The following BPIFB3 variants were observed in gnomAD, a reference collection of about 807,000 sequenced individuals.
The protein encoded by BPIFB3 is BPI fold-containing family B member 3.
BPIFB3 carries 49 observed loss-of-function variants against 53.1 expected under a neutral mutation model. The observed-to-expected ratio is 0.92, with a 90% CI of 0.73 to 1.17. BPIFB3 has a LOEUF of 1.17. Among genes scored for constraint, BPIFB3 ranks in the 50% most tolerant of loss-of-function variants. The pLI, the probability that BPIFB3 is intolerant of heterozygous loss-of-function variation, is 0.00. For missense variants in BPIFB3, 628 were observed against 592.5 expected, an observed-to-expected ratio of 1.06 and a Z score of -0.62; for synonymous variants, 271 against 269.6, an observed-to-expected ratio of 1.01 and a Z score of -0.05.
At chr20:33,071,817 G>C (rs1038384822) in intron 12 of BPIFB3, among the ~76,000 whole-genome samples, 11 of 152,108 alleles carry the variant, frequency 7.2e-5, no homozygotes, top group Non-Finnish European at 1.5e-5. Context: ...TCTTTCTTAG[G>C]CACTGCCCAC....
At chr20:33,055,969 A>G (rs1980185126) in intron 1 of BPIFB3, among the ~76,000 whole-genome samples, 1 of 152,174 alleles carries the variant, frequency 6.6e-6, no homozygotes, top group Non-Finnish European at 1.5e-5. Flanking sequence ...GGTCATGAGC[A>G]GGAAATGCTT....
At chr20:33,068,619 G>C (rs1422527761) in intron 9 of BPIFB3, among the ~76,000 whole-genome samples, 184 bp from the exon 11 acceptor site, 1 of 152,186 alleles carries the variant, frequency 6.6e-6, no homozygotes, top group Non-Finnish European at 1.5e-5. Context: ...CAGTCCTGCA[G>C]GTCGGTGTCT....
At chr20:33,059,581 G>A in intron 3 of BPIFB3, 99 bp downstream of exon 4, 1 of 852,458 alleles carries the variant, frequency 1.2e-6, no homozygotes. Context: ...CCACCCCTCT[G>A]TATCCCCCAT....
At chr20:33,064,918 C>T (rs1387612796) in intron 8 of BPIFB3, 73 bp downstream of exon 9, 2 of 1,507,240 alleles carry the variant, frequency 1.3e-6, no homozygotes, top group African/African-American at 2.7e-5. Flanking sequence ...TAGTGTTGAC[C>T]TAGGCCCTGA....
intron 8 of BPIFB3, among the ~76,000 whole-genome samples, chr20:33,066,145 C>T (rs534966122): frequency 5.3e-5 from 8 of 152,110 alleles, no homozygotes; most frequent in South Asian, 4.2e-4. Flanking sequence ...GTTCGGTGGG[C>T]GGGGGGTGTC....
intron 10 of BPIFB3, 103 bp downstream of exon 11, chr20:33,069,076 A>G: frequency 7.6e-6 from 10 of 1,307,268 alleles, no homozygotes; most frequent in Admixed American, 2.3e-5. Flanking sequence ...TCAGGGTGGG[A>G]GCCCCACATA....
At position 33,064,660 on chromosome 20, in the gene BPIFB3, C is replaced by T. The variant is rs1006344648; in HGVS notation, c.745-6C>T. ...CCCTCCTCGGCCCTGTTTCCTGCCC[C>T]TGCAGCCTATCGTGAAGAGTGTAGC... On this transcript the variant is annotated splice_region_variant and splice_polypyrimidine_tract_variant and intron_variant, in intron 7 of 14. Transcript: ENST00000375494. 6.2e-7 allele frequency: 1 copy of T among 1,613,566 alleles called. No individual in the cohort carries two copies. The highest frequency in any genetic ancestry group is 8.5e-7 in the Non-Finnish European group (1 of 1,179,716).
chr20:33,060,150 C>G, intron 4 of BPIFB3, 119 bp downstream of exon 5: 1 of 1,338,666 alleles, frequency 7.5e-7, no homozygotes, highest in Admixed American at 2.3e-5. Flanking sequence ...TCGTCCTACC[C>G]CTGCTTGTCC....
chr20:33,054,443 T>A (rs1225598146), upstream of BPIFB3, among the ~76,000 whole-genome samples: 4 of 152,134 alleles, frequency 2.6e-5, no homozygotes, highest in Non-Finnish European at 2.9e-5. Context: ...TGATGTTTAG[T>A]GACAGACGGA....
Position 33,063,596 on chromosome 20 carries a change from A to C in BPIFB3, c.592-19A>C. 1 of 1,613,298 alleles carries C rather than the reference A, an allele frequency of 6.2e-7. No homozygotes were observed. Among genetic ancestry groups the C allele is most frequent in the Non-Finnish European group, 8.5e-7 (1 of 1,179,454 alleles). ...AGTGAGCTCTTCTTTGCCCTGTAAC[A>C]TGTGTCTCCCTGACACAGCTGTGCC... On this transcript the variant is annotated intron_variant, in intron 5 of 14. Transcript: ENST00000375494.
intron 9 of BPIFB3, 151 bp downstream of exon 10, chr20:33,067,028 C>G: frequency 2.5e-6 from 2 of 786,152 alleles, no homozygotes; most frequent in Non-Finnish European, 4.1e-6. Context: ...ACTAACACGA[C>G]ATCCTTTCCT....
At chr20:33,060,515 G>T (rs1274995836) in intron 4 of BPIFB3, among the ~76,000 whole-genome samples, 1 of 152,034 alleles carries the variant, frequency 6.6e-6, no homozygotes, top group Non-Finnish European at 1.5e-5. Flanking sequence ...CTCTTCCCAG[G>T]ATCTGTCCAG....
chr20:33,054,874 G>A (rs1466856240), upstream of BPIFB3, among the ~76,000 whole-genome samples: 1 of 152,236 alleles, frequency 6.6e-6, no homozygotes, highest in Non-Finnish European at 1.5e-5. Context: ...GGTGGGGGAA[G>A]GAGAAAGATA....
At chr20:33,060,665 C>G (rs190099) in intron 4 of BPIFB3, among the ~76,000 whole-genome samples, 120,741 of 152,068 alleles carry the variant, frequency 0.79, 48,352 homozygotes, top group East Asian at 0.98. Context: ...TGCCTCCCGG[C>G]TTCATGCAAT....
At chr20:33,059,263 CA>C in intron 2 of BPIFB3, 114 bp from the exon 4 acceptor site, 2 of 691,998 alleles carry the variant, frequency 2.9e-6, no homozygotes, top group East Asian at 5.5e-5. Flanking sequence ...CAAGGGCTCG[CA>C]GCTGGCTCTG....
intron 2 of BPIFB3, among the ~76,000 whole-genome samples, chr20:33,057,359 T>A (rs1335497488): frequency 6.6e-6 from 1 of 152,022 alleles, no homozygotes; most frequent in East Asian, 1.9e-4. Context: ...GGGCTAATTT[T>A]TGTAGTTTTA....
chr20:33,073,642 C>T (rs1278276085), downstream of BPIFB3: 2 of 1,611,790 alleles, frequency 1.2e-6, no homozygotes, highest in Admixed American at 1.7e-5. Context: ...CTGTTGACTA[C>T]TAGAGACCAC....
intron 6 of BPIFB3, 30 bp downstream of exon 7, chr20:33,063,705 G>A: frequency 1.9e-6 from 3 of 1,609,710 alleles, no homozygotes; most frequent in South Asian, 2.2e-5. Context: ...CCTCCTCTTT[G>A]CCCCTTCTAC....
intron 12 of BPIFB3, 147 bp from the exon 14 acceptor site, chr20:33,071,957 C>G (rs1204338242): frequency 8.0e-6 from 6 of 749,848 alleles, no homozygotes; most frequent in African/African-American, 3.5e-5. Context: ...CCCAAGTGCC[C>G]AGTGCCTGCC....
Sources: gnomAD v4.1 joint callset for allele counts (sites outside exome capture counted in the v4.1 genomes callset) on GRCh38, gnomAD v4.1.1 for gene constraint, MANE v1.5 for transcripts, NCBI Gene and HGNC (gene_info 2026-07-23, HGNC 2026-07-21) for gene names.